LRBA: variants seen among roughly 807,000 people sequenced by gnomAD.
The protein encoded by LRBA is lipopolysaccharide-responsive and beige-like anchor protein.
In LRBA, 176 loss-of-function variants were observed where a neutral mutation model predicts 330.0. The ratio of observed to expected loss-of-function variants is 0.53; its 90% confidence interval spans 0.47 to 0.60. LRBA has a LOEUF of 0.60. Ranked by LOEUF, LRBA falls within the 20% of genes least tolerant of loss-of-function variation. The pLI is 0.00. For missense variants in LRBA, 3,259 were observed against 3,444.8 expected (o/e 0.95, Z 1.35); for synonymous variants, 1,230 against 1,193.0 (o/e 1.03, Z -0.64).
chr4:150,905,841 G>C lies in LRBA; in HGVS notation c.1752C>G (p.Ala584=), dbSNP rs1265177807. The C allele has an allele frequency of 1.2e-6, 2 of 1,611,638 alleles. No individual in the cohort carries two copies. Among genetic ancestry groups the C allele is most frequent in the East Asian group, 2.2e-5 (1 of 44,854 alleles). Residue 584 remains alanine, a synonymous_variant, in exon 13 of 57, where the codon GCC becomes GCG. Transcript: ENST00000651943. ...TCAATATATAGATATATATTACCTT[G>C]GCTGGGGTATGAATCCATATGGCAG... The part of the protein sequence containing the change: ...LNPAIWIHTP[A]KVQLMLYTYL...
chr4:150,365,907 T>C (rs1047441983), intron 47 of LRBA, among the ~76,000 whole-genome samples: 4 of 152,194 alleles, frequency 2.6e-5, no homozygotes, highest in Admixed American at 2.6e-4. Flanking sequence ...AGAAAATTTC[T>C]GTTATTTCCT....
intron 4 of LRBA, 141 bp downstream of exon 4, chr4:150,928,375 C>T (rs1025274692): frequency 1.4e-5 from 8 of 585,856 alleles, no homozygotes; most frequent in Non-Finnish European, 2.4e-5. Flanking sequence ...CGAGTAGCCA[C>T]AGGGATCTCA....
chr4:150,521,985 A>G (rs1762966269), intron 40 of LRBA, among the ~76,000 whole-genome samples: 1 of 152,222 alleles, frequency 6.6e-6, no homozygotes, highest in Non-Finnish European at 1.5e-5. Flanking sequence ...TTTGCTTCAC[A>G]TTTAAAATCT....
At chr4:150,420,187 G>A (rs2151961043) in intron 46 of LRBA, among the ~76,000 whole-genome samples, 1 of 149,778 alleles carries the variant, frequency 6.7e-6, no homozygotes, top group South Asian at 2.1e-4. Flanking sequence ...AGTGAGCTGT[G>A]TTCACACTAC....
intron 47 of LRBA, among the ~76,000 whole-genome samples, chr4:150,359,964 A>G (rs1023173808): frequency 2.1e-5 from 3 of 144,922 alleles, no homozygotes; most frequent in African/African-American, 2.5e-5. Flanking sequence ...TGGGTGACAG[A>G]GCAAGACTCC....
At chr4:150,730,126 A>G (rs374902268) in intron 36 of LRBA, among the ~76,000 whole-genome samples, 12 of 152,232 alleles carry the variant, frequency 7.9e-5, no homozygotes, top group African/African-American at 2.9e-4. Flanking sequence ...ACAAGCAACC[A>G]AAGCAAAAAT....
chr4:150,345,571 C>A (rs780480964), intron 48 of LRBA, among the ~76,000 whole-genome samples: 1 of 152,104 alleles, frequency 6.6e-6, no homozygotes, highest in African/African-American at 2.4e-5. Context: ...CCATGCCAGG[C>A]GGTTTACATG....
chr4:150,840,628 AAGATCACTGATGACAG>A (rs964854950), intron 28 of LRBA: 1 of 155,208 alleles, frequency 6.4e-6, no homozygotes, highest in Non-Finnish European at 1.4e-5. Flanking sequence ...AGTAATACCA[AAGATCACTGATGACAG>A]ATCAGCATGA....
chr4:150,828,268 C>G lies in LRBA; in HGVS notation c.5083G>C (p.Val1695Leu), dbSNP rs767444221. ...GCTGGTGGCAGAAGGGCAGGATCCA[C>G]TGTGACTCCATCTGCTGGTATGTTA... The part of the protein sequence containing the change: ...LVNIPADGVT[V>L]DPALLPPACL... Residue 1695 changes from valine (V) to leucine (L), a missense_variant, in exon 30 of 57, where the codon GTG becomes CTG. Transcript: ENST00000651943. The G allele has an allele frequency of 8.1e-6, 13 of 1,614,162 alleles. No homozygotes were observed. In the South Asian group the frequency reaches 1.3e-4, roughly 16 times the overall value.
chr4:150,294,107 C>A (rs548070274), intron 53 of LRBA, among the ~76,000 whole-genome samples: 2 of 152,176 alleles, frequency 1.3e-5, no homozygotes, highest in East Asian at 3.9e-4. Context: ...GGGGTTGGCA[C>A]CCCGACTCCT....
intron 2 of LRBA, among the ~76,000 whole-genome samples, chr4:150,963,591 T>G (rs1464980710): frequency 6.7e-6 from 1 of 149,668 alleles, no homozygotes; most frequent in Non-Finnish European, 1.5e-5. Context: ...GATTGCAGCC[T>G]CTGCCCGGCT....
chr4:150,438,788 ATTG>A (rs1487990968), intron 44 of LRBA, among the ~76,000 whole-genome samples: 3 of 151,120 alleles, frequency 2.0e-5, no homozygotes, highest in African/African-American at 7.4e-5. Flanking sequence ...TCCTTATTAA[ATTG>A]TTAATTATTT....
intron 46 of LRBA, among the ~76,000 whole-genome samples, chr4:150,434,268 AT>A (rs1394114543): frequency 6.6e-6 from 1 of 152,162 alleles, no homozygotes; most frequent in African/African-American, 2.4e-5. Context: ...AAGAGACACC[AT>A]TTAAAAAAAA....
intron 47 of LRBA, among the ~76,000 whole-genome samples, chr4:150,404,341 A>C (rs916973356): frequency 6.6e-6 from 1 of 152,218 alleles, no homozygotes; most frequent in Non-Finnish European, 1.5e-5. Context: ...GGTGTTTCTG[A>C]AATGTTTCAA....
Position 151,014,658 on chromosome 4 carries a change from A to G in LRBA, c.-16T>C. On this transcript the variant is annotated 5_prime_UTR_variant, in exon 2 of 57. Coordinates refer to ENST00000651943, the MANE Select transcript of LRBA (RefSeq NM_001364905.1). ...CGCTAGCCATTGCTAGCTCACGATAAAGGACAACTCAGAGTCACCCTGGGA... is the reference window on the plus strand; with the variant it reads ...CGCTAGCCATTGCTAGCTCACGATAGAGGACAACTCAGAGTCACCCTGGGA... 6.4e-7 allele frequency: 1 copy of G among 1,571,268 alleles called. No individual in the cohort carries two copies. Among genetic ancestry groups the G allele is most frequent in the Non-Finnish European group, 8.7e-7 (1 of 1,152,184 alleles).
At chr4:150,572,184 A>G (rs575596731) in intron 40 of LRBA, among the ~76,000 whole-genome samples, 77 of 152,236 alleles carry the variant, frequency 5.1e-4, no homozygotes, top group African/African-American at 1.7e-3. Context: ...AGCAAGTACA[A>G]TTCATCAAAC....
At chr4:150,519,513 G>T (rs1398307781) in intron 40 of LRBA, among the ~76,000 whole-genome samples, 7 of 152,054 alleles carry the variant, frequency 4.6e-5, no homozygotes, top group Admixed American at 2.0e-4. Flanking sequence ...AGTTTTTGAG[G>T]TTGTTCCAAG....
At chr4:150,608,339 A>G (rs564221415) in intron 37 of LRBA, among the ~76,000 whole-genome samples, 27 of 152,302 alleles carry the variant, frequency 1.8e-4, no homozygotes, top group African/African-American at 6.0e-4. Context: ...AGAAGAGTCT[A>G]TTGAAAGGGC....
chr4:150,745,160 C>T (rs910507226), intron 35 of LRBA, among the ~76,000 whole-genome samples: 1 of 152,080 alleles, frequency 6.6e-6, no homozygotes, highest in Non-Finnish European at 1.5e-5. Context: ...GCAGTTTGAC[C>T]AACACCTTTA....
Sources: allele counts gnomAD v4.1 joint callset (sites outside exome capture counted in the v4.1 genomes callset), GRCh38; gene constraint gnomAD v4.1.1; transcripts MANE v1.5; gene names NCBI Gene and HGNC (gene_info 2026-07-23, HGNC 2026-07-21).